FNDC1: variants seen among roughly 807,000 people sequenced by gnomAD.
The protein encoded by FNDC1 is fibronectin type III domain-containing protein 1.
Under a neutral mutation model 168.0 loss-of-function variants are expected in FNDC1, and 96 were observed. The observed-to-expected ratio is 0.57, with a 90% CI of 0.48 to 0.68. The LOEUF (loss-of-function observed/expected upper bound fraction) is 0.68. Among genes scored for constraint, FNDC1 ranks in the 30% least tolerant of loss-of-function variants. The pLI is 0.00. For synonymous variants in FNDC1, 1,099 were observed against 1,025.9 expected (o/e 1.07, Z -1.36); for missense variants, 2,587 against 2,482.1 (o/e 1.04, Z -0.90).
intron 15 of FNDC1, among the ~76,000 whole-genome samples, chr6:159,247,829 G>A (rs1477171963): frequency 6.6e-6 from 1 of 152,212 alleles, no homozygotes; most frequent in East Asian, 1.9e-4. Flanking sequence ...GTAACTAGTG[G>A]TATTATTACA....
chr6:159,204,180 G>T (rs144164940), intron 4 of FNDC1, among the ~76,000 whole-genome samples: 3 of 152,172 alleles, frequency 2.0e-5, no homozygotes, highest in South Asian at 4.1e-4. Flanking sequence ...ACGATGCTGC[G>T]TGACAATCGC....
intron 18 of FNDC1, among the ~76,000 whole-genome samples, chr6:159,259,278 G>T (rs1276800870): frequency 6.6e-6 from 1 of 152,188 alleles, no homozygotes; most frequent in Non-Finnish European, 1.5e-5. Flanking sequence ...TTTCAGCTCA[G>T]CATATTTAAA....
At chr6:159,200,727 C>T (rs1265956210) in intron 4 of FNDC1, 146 bp downstream of exon 4, 4 of 644,014 alleles carry the variant, frequency 6.2e-6, no homozygotes, top group Non-Finnish European at 1.1e-5. Flanking sequence ...CAGTCTTGGT[C>T]AATCTGTTCT....
At chr6:159,175,185 A>G (rs1050465079) in intron 1 of FNDC1, among the ~76,000 whole-genome samples, 7 of 152,192 alleles carry the variant, frequency 4.6e-5, no homozygotes, top group African/African-American at 1.7e-4. Flanking sequence ...AGGAATTCCT[A>G]GGTGTACATT....
chr6:159,224,312 T>C (rs1245325159), intron 7 of FNDC1, among the ~76,000 whole-genome samples: 1 of 152,218 alleles, frequency 6.6e-6, no homozygotes, highest in African/African-American at 2.4e-5. Context: ...TTCTAGTTAG[T>C]GGTAGATTAG....
chr6:159,205,730 G>A (rs1264047754), intron 4 of FNDC1, among the ~76,000 whole-genome samples: 1 of 152,152 alleles, frequency 6.6e-6, no homozygotes, highest in Non-Finnish European at 1.5e-5. Context: ...CTGAGTGGAC[G>A]GATTCCACTT....
intron 4 of FNDC1, 54 bp downstream of exon 4, chr6:159,200,635 C>A (rs1182536262): frequency 1.4e-6 from 2 of 1,412,524 alleles, no homozygotes; most frequent in East Asian, 2.4e-5. Flanking sequence ...CATCGTCTCG[C>A]AAGAGAGTTG....
chr6:159,221,188 T>G (rs961686257), intron 5 of FNDC1, among the ~76,000 whole-genome samples: 1 of 152,212 alleles, frequency 6.6e-6, no homozygotes, highest in East Asian at 1.9e-4. Context: ...TGGTGACAGA[T>G]TAAAAACAGA....
intron 4 of FNDC1, among the ~76,000 whole-genome samples, chr6:159,209,564 C>T (rs187736002): frequency 6.6e-6 from 1 of 152,180 alleles, no homozygotes; most frequent in Non-Finnish European, 1.5e-5. Flanking sequence ...TGATGACACC[C>T]AGGATGTCAG....
chr6:159,177,449 C>T (rs59401047), intron 1 of FNDC1, among the ~76,000 whole-genome samples: 3,628 of 152,122 alleles, frequency 0.024, 122 homozygotes, highest in African/African-American at 0.081. Context: ...GCGGAACTCA[C>T]GGGGCTGGAT....
rs1261224249 is a variant in FNDC1, at chr6:159,234,427, C to T, written c.3915C>T (p.Ala1305=). 6.2e-7 allele frequency: 1 copy of T among 1,613,616 alleles called. No homozygotes were observed. The highest frequency in any genetic ancestry group is 2.2e-5 in the East Asian group (1 of 44,872). The change falls in exon 11 of 23, where the codon GCC becomes GCT. Residue 1305 remains alanine, a synonymous_variant. Transcript: ENST00000297267. ...MLSLRQRMMH[A]RFRNPLSRQP... ...CCTTGCGCCAGAGGATGATGCATGC[C>T]AGATTCCGTAACCCTCTCTCCCGAC...
intron 1 of FNDC1, among the ~76,000 whole-genome samples, chr6:159,182,384 G>T (rs934871944): frequency 6.6e-6 from 1 of 152,218 alleles, no homozygotes; most frequent in Admixed American, 6.5e-5. Context: ...GACAGACTAT[G>T]TGTCCTCTTG....
chr6:159,175,253 C>T (rs1781738854), intron 1 of FNDC1, among the ~76,000 whole-genome samples: 1 of 152,080 alleles, frequency 6.6e-6, no homozygotes, highest in African/African-American at 2.4e-5. Flanking sequence ...CACCATTTCT[C>T]TCTGTTATTT....
At chr6:159,188,851 G>C (rs2007605) in intron 1 of FNDC1, among the ~76,000 whole-genome samples, 1 of 149,696 alleles carries the variant, frequency 6.7e-6, no homozygotes, top group Non-Finnish European at 1.5e-5. Context: ...AGGTTCAAGC[G>C]ATTATCCTGC....
rs779596611 is a variant in FNDC1 at position 159,233,609 on chromosome 6, C to T, written c.3097C>T (p.Leu1033Phe). Residue 1033 changes from leucine to phenylalanine, a missense_variant, in exon 11 of 23, where the codon CTC (leucine) becomes TTC (phenylalanine). Transcript: ENST00000297267. The surrounding 1 kb of genome is among the most constrained non-coding windows in gnomAD (Gnocchi z 4.6). ...DAGRSPSQPR[L>F]SLTQAGRPRP... ...GGGTCGGTCACCTTCCCAGCCCAGG[C>T]TCTCACTGACCCAGGCCGGGCGGCC... The T allele has an allele frequency of 2.5e-6, 4 of 1,575,496 alleles. No individual in the cohort carries two copies. Among genetic ancestry groups the T allele is most frequent in the Non-Finnish European group, 3.4e-6 (4 of 1,163,530 alleles).
At chr6:159,254,707 CAAAAAA>C (rs61644137) in intron 17 of FNDC1, among the ~76,000 whole-genome samples, 39 of 92,606 alleles carry the variant, frequency 4.2e-4, no homozygotes, top group Non-Finnish European at 5.1e-4. Flanking sequence ...GACTTCGTCT[CAAAAAA>C]AAAAAAAAAA....
chr6:159,187,579 T>C (rs1346046215), intron 1 of FNDC1, among the ~76,000 whole-genome samples: 2 of 152,192 alleles, frequency 1.3e-5, no homozygotes, highest in Non-Finnish European at 2.9e-5. Flanking sequence ...AGACTGTGTC[T>C]ACCCAACAGC....
chr6:159,185,069 G>GT (rs1039459507), intron 1 of FNDC1, among the ~76,000 whole-genome samples: 4 of 106,938 alleles, frequency 3.7e-5, no homozygotes, highest in East Asian at 3.4e-4. Flanking sequence ...ATGGAGGGTG[G>GT]GGGGGGGGGA....
rs1782685044 is a variant in FNDC1 at position 159,215,144 on chromosome 6, A to G, written c.660A>G (p.Lys220=). 1 of 1,613,460 alleles carries G rather than the reference A, an allele frequency of 6.2e-7. No homozygotes were observed. Among genetic ancestry groups the G allele is most frequent in the African/African-American group, 1.3e-5 (1 of 74,938 alleles). ...LTRDERTHEI[K]KLASESVYVV... ...GAGATGAACGGACACACGAAATTAA[A>G]AAGCTAGGTGAGTTTCATATTCATT... is the stretch of plus-strand genomic sequence containing the variant. Residue 220 remains lysine, a synonymous_variant, in exon 5 of 23, where the codon AAA becomes AAG. Coordinates refer to ENST00000297267, the MANE Select transcript of FNDC1 (RefSeq NM_032532.3).
Sources: allele counts gnomAD v4.1 joint callset (sites outside exome capture counted in the v4.1 genomes callset), GRCh38; gene constraint gnomAD v4.1.1; non-coding constraint Gnocchi (gnomAD v3.1); transcripts MANE v1.5; gene names NCBI Gene and HGNC (gene_info 2026-07-23, HGNC 2026-07-21).